APOLD1: variants seen among roughly 807,000 people sequenced by gnomAD.
APOLD1 encodes the protein apolipoprotein L domain containing 1, also known as apolipoprotein L domain-containing protein 1.
Under a neutral mutation model 15.3 loss-of-function variants are expected in APOLD1, and 22 were observed. The observed-to-expected ratio is 1.44, with a 90% confidence interval of 1.03 to 2.05. The LOEUF (loss-of-function observed/expected upper bound fraction) is 2.05. Ranked by LOEUF, APOLD1 falls within the 30% of genes most tolerant of loss-of-function variation. APOLD1 has a pLI of 0.00. For missense variants in APOLD1, 394 were observed against 353.5 expected, an observed-to-expected ratio of 1.11 and a Z score of -0.92; for synonymous variants, 190 against 167.4, an observed-to-expected ratio of 1.13 and a Z score of -1.04.
intron 1 of APOLD1, among the ~76,000 whole-genome samples, chr12:12,732,765 A>C (rs1162511374): frequency 1.3e-5 from 2 of 151,992 alleles, no homozygotes; most frequent in South Asian, 4.1e-4. Flanking sequence ...AAAGAAAAAG[A>C]AAAAGCATGT....
intron 1 of APOLD1, among the ~76,000 whole-genome samples, chr12:12,740,689 G>A (rs568540427): frequency 6.6e-6 from 1 of 152,210 alleles, no homozygotes; most frequent in South Asian, 2.1e-4. Flanking sequence ...GTCCCTCCAG[G>A]CAGTGACTTT....
intron 1 of APOLD1, among the ~76,000 whole-genome samples, chr12:12,776,546 T>C (rs1165768545): frequency 6.6e-6 from 1 of 152,214 alleles, no homozygotes; most frequent in Non-Finnish European, 1.5e-5. Context: ...GATTCTATAT[T>C]AATGATATAG....
At chr12:12,779,315 C>T (rs554356504) in intron 1 of APOLD1, among the ~76,000 whole-genome samples, 8 of 152,172 alleles carry the variant, frequency 5.3e-5, no homozygotes, top group Admixed American at 2.6e-4. Context: ...ATAGATTTGC[C>T]GTCTCCTGGA....
intron 1 of APOLD1, among the ~76,000 whole-genome samples, chr12:12,772,945 T>C (rs1489600293): frequency 6.6e-6 from 1 of 152,080 alleles, no homozygotes; most frequent in African/African-American, 2.4e-5. Context: ...AAGCCAGGCA[T>C]GGTGGTGCAC....
chr12:12,729,495 A>G (rs1946620126), intron 1 of APOLD1, among the ~76,000 whole-genome samples: 1 of 152,126 alleles, frequency 6.6e-6, no homozygotes, highest in East Asian at 1.9e-4. Flanking sequence ...CCTGGCCTCA[A>G]GTGATACTCC....
chr12:12,742,308 C>T (rs1011298705), intron 1 of APOLD1, among the ~76,000 whole-genome samples: 2 of 152,106 alleles, frequency 1.3e-5, no homozygotes, highest in Admixed American at 6.6e-5. Flanking sequence ...ATTTTAGGGT[C>T]GAGAAGCCCC....
intron 1 of APOLD1, among the ~76,000 whole-genome samples, chr12:12,776,018 A>AAC (rs1555091999): frequency 6.6e-6 from 1 of 150,756 alleles, no homozygotes; most frequent in Non-Finnish European, 1.5e-5. Context: ...AAAAAAAAAA[A>AAC]AAAAAAAACA....
At chr12:12,780,015 G>C (rs1947066767) in intron 1 of APOLD1, among the ~76,000 whole-genome samples, 1 of 151,970 alleles carries the variant, frequency 6.6e-6, no homozygotes, top group Admixed American at 6.6e-5. Flanking sequence ...TGCAGAATAA[G>C]TATTCTAAGT....
chr12:12,743,846 G>C (rs1244052551), intron 1 of APOLD1, among the ~76,000 whole-genome samples: 1 of 152,174 alleles, frequency 6.6e-6, no homozygotes, highest in African/African-American at 2.4e-5. Context: ...TGCTGGCTTC[G>C]AGGATGGAGG....
chr12:12,785,556 G>A (rs1159643584), upstream of APOLD1: 5 of 1,508,316 alleles, frequency 3.3e-6, no homozygotes, highest in African/African-American at 2.8e-5. Flanking sequence ...AGGCAGCAGG[G>A]GTCATGACAG....
intron 1 of APOLD1, among the ~76,000 whole-genome samples, chr12:12,753,226 A>G (rs1340260772): frequency 6.6e-6 from 1 of 152,270 alleles, no homozygotes; most frequent in Admixed American, 6.5e-5. Flanking sequence ...TAAAACTTCC[A>G]TCTGAGAAAA....
Position 12,786,928 on chromosome 12 carries a change from C to T in APOLD1, c.23C>T (p.Ala8Val). The change falls in exon 2 of 2, where the codon GCC becomes GTC. Residue 8 changes from alanine to valine, a missense_variant. Coordinates refer to ENST00000356591, the MANE Select transcript of APOLD1 (RefSeq NM_030817.3). Reference protein sequence around the residue: MGMERPAAREPHGPDALR... With the variant: MGMERPAVREPHGPDALR... ...CCGCAGGGAATGGAGAGGCCGGCGG[C>T]CCGGGAGCCGCATGGGCCCGACGCG... 2.8e-6 allele frequency: 4 copies of T among 1,450,938 alleles called. No individual in the cohort carries two copies. Among genetic ancestry groups the T allele is most frequent in the South Asian group, 1.4e-5 (1 of 73,266 alleles). The allele number at this position is 1,450,938 out of a possible 1,614,324, so 89.9% of individuals were successfully genotyped here. A position where few individuals can be genotyped will look rare whatever the true frequency, so the allele number is the denominator to read the frequency against.
intron 1 of APOLD1, among the ~76,000 whole-genome samples, chr12:12,768,837 A>G (rs1946961793): frequency 6.6e-6 from 1 of 151,972 alleles, no homozygotes; most frequent in African/African-American, 2.4e-5. Context: ...TAGCATTGAA[A>G]GTAAAGGCAG....
intron 1 of APOLD1, among the ~76,000 whole-genome samples, chr12:12,753,130 C>T (rs530463113): frequency 2.0e-5 from 3 of 152,010 alleles, no homozygotes; most frequent in Non-Finnish European, 4.4e-5. Context: ...AAGGACATTG[C>T]CTCTGTAAAG....
intron 1 of APOLD1, among the ~76,000 whole-genome samples, chr12:12,751,274 C>T (rs994313410): frequency 2.6e-5 from 4 of 152,102 alleles, no homozygotes; most frequent in Admixed American, 6.6e-5. Context: ...ATGTCAGCCA[C>T]ACCTCTGGCT....
In APOLD1 at chr12:12,790,548, C is replaced by A. The variant is rs1240101961; in HGVS notation, c.*2896C>A. 2 of 151,904 alleles carry A rather than the reference C, an allele frequency of 1.3e-5. No homozygotes were observed. The highest frequency in any genetic ancestry group is 4.8e-5 in the African/African-American group (2 of 41,354). The allele number at this position is 151,904 out of a possible 1,614,324, so 9.4% of individuals were successfully genotyped here. A position where few individuals can be genotyped will look rare whatever the true frequency, so the allele number is the denominator to read the frequency against. On this transcript the variant is annotated 3_prime_UTR_variant, in exon 2 of 2. Coordinates refer to ENST00000356591, the MANE Select transcript of APOLD1 (RefSeq NM_030817.3). ...CAGCAACAGTAACAGCAGCAGCAAA[C>A]TTTTCCTCTCATATTTTGGGTGTAT...
Position 12,755,522 on chromosome 12 carries a change from T to C in APOLD1, c.96+29426T>C, listed in dbSNP as rs1438818668. Among the ~76,000 whole-genome samples the C allele has an allele frequency of 2.0e-5, 3 of 152,206 alleles. No individual in the cohort carries two copies. In the South Asian group the frequency reaches 6.2e-4, roughly 31 times the overall value. ...AACAAATATAACCCACAATAATTAG[T>C]ATCCAGATTATATGAAGAACTCCAA... On this transcript the variant is annotated intron_variant, in intron 1 of 1. Transcript: ENST00000326765.
chr12:12,751,849 A>G (rs1173872662), intron 1 of APOLD1, among the ~76,000 whole-genome samples: 1 of 152,224 alleles, frequency 6.6e-6, no homozygotes, highest in Non-Finnish European at 1.5e-5. Flanking sequence ...TGATCTCTAT[A>G]AGAAGGACAG....
At chr12:12,726,842 C>G (rs980258242) in intron 1 of APOLD1, among the ~76,000 whole-genome samples, 1 of 152,214 alleles carries the variant, frequency 6.6e-6, no homozygotes, top group Admixed American at 6.5e-5. Flanking sequence ...CTAGTCACTC[C>G]TGACCTCCAG....
Sources: allele counts gnomAD v4.1 joint callset (sites outside exome capture counted in the v4.1 genomes callset), GRCh38; gene constraint gnomAD v4.1.1; transcripts MANE v1.5; gene names NCBI Gene and HGNC (gene_info 2026-07-23, HGNC 2026-07-21).